Variants in FOXP1 observed in about 807,000 individuals in gnomAD.
FOXP1 encodes forkhead box protein P1.
In FOXP1, 15 loss-of-function variants were observed where a neutral mutation model predicts 98.2. That is an observed-to-expected ratio of 0.15 (90% confidence interval 0.10 to 0.24). The LOEUF (loss-of-function observed/expected upper bound fraction) is 0.24, where lower values mean the gene tolerates loss of function less well. Ranked by LOEUF, FOXP1 falls within the 10% of genes least tolerant of loss-of-function variation. The pLI, the probability that FOXP1 is intolerant of heterozygous loss-of-function variation, is 1.00. For synonymous variants in FOXP1, 371 were observed against 314.5 expected, an observed-to-expected ratio of 1.18 and a Z score of -1.90; for missense variants, 633 against 848.5, an observed-to-expected ratio of 0.75 and a Z score of 3.15.
At chr3:71,006,674 C>T (rs2042846783) in intron 12 of FOXP1, among the ~76,000 whole-genome samples, 1 of 151,852 alleles carries the variant, frequency 6.6e-6, no homozygotes, top group Non-Finnish European at 1.5e-5. Context: ...AATTACATGC[C>T]GGAAATGATC....
chr3:71,381,410 T>G (rs2080163837), intron 3 of FOXP1, among the ~76,000 whole-genome samples: 2 of 150,810 alleles, frequency 1.3e-5, no homozygotes, highest in Non-Finnish European at 1.5e-5. Context: ...AGTGCTAGGA[T>G]TACAGGCGTG....
intron 2 of FOXP1, among the ~76,000 whole-genome samples, chr3:71,537,765 T>C (rs754288247): frequency 1.5e-4 from 23 of 152,152 alleles, no homozygotes; most frequent in African/African-American, 2.7e-4. Flanking sequence ...AGCACAGAGG[T>C]TGGCAAACTA....
chr3:70,999,525 G>GA (rs2041845349), intron 13 of FOXP1, among the ~76,000 whole-genome samples: 1 of 152,082 alleles, frequency 6.6e-6, no homozygotes, highest in Non-Finnish European at 1.5e-5. Flanking sequence ...AAAATGTTGA[G>GA]ATTTTATGAT....
intron 6 of FOXP1, among the ~76,000 whole-genome samples, chr3:71,138,031 G>T (rs144640593): frequency 6.6e-6 from 1 of 152,212 alleles, no homozygotes; most frequent in African/African-American, 2.4e-5. Context: ...GAACTGTGGA[G>T]AGCCTCTCAG....
chr3:71,165,618 A>G (rs1249636064), intron 6 of FOXP1, among the ~76,000 whole-genome samples: 1 of 152,198 alleles, frequency 6.6e-6, no homozygotes, highest in African/African-American at 2.4e-5. Flanking sequence ...TCTAAACCCC[A>G]CCTTGCCTTG....
chr3:71,294,881 G>C (rs1272095652), intron 5 of FOXP1, among the ~76,000 whole-genome samples: 1 of 152,162 alleles, frequency 6.6e-6, no homozygotes, highest in African/African-American at 2.4e-5. Flanking sequence ...CATCTCCATA[G>C]TGCGGCAACA....
At chr3:71,166,351 C>T (rs73839410) in intron 6 of FOXP1, among the ~76,000 whole-genome samples, 2,261 of 152,304 alleles carry the variant, frequency 0.015, 50 homozygotes, top group African/African-American at 0.051. Context: ...ACCTGGAAAC[C>T]TGTTACGGCC....
chr3:71,318,232 G>A (rs1165314774), intron 4 of FOXP1, among the ~76,000 whole-genome samples: 2 of 150,666 alleles, frequency 1.3e-5, no homozygotes, highest in Non-Finnish European at 2.9e-5. Flanking sequence ...AGGGACAGAA[G>A]GAACAAGTCC....
At chr3:71,535,679 G>A (rs145458331) in intron 2 of FOXP1, among the ~76,000 whole-genome samples, 10 of 152,240 alleles carry the variant, frequency 6.6e-5, no homozygotes, top group Non-Finnish European at 1.0e-4. Flanking sequence ...AGCTGCAGTC[G>A]CACCACTACA....
chr3:71,237,428 C>A (rs1487504385), intron 5 of FOXP1, among the ~76,000 whole-genome samples: 1 of 152,018 alleles, frequency 6.6e-6, no homozygotes, highest in Non-Finnish European at 1.5e-5. Flanking sequence ...GGCTAGCTAG[C>A]CACGCTTCCA....
rs778866361 is a variant in FOXP1, at chr3:71,539,055, T to C, written c.-298+42494A>G. On this transcript the variant is annotated intron_variant, in intron 2 of 20. Transcript: ENST00000649528. ...TATCTCCATACTTATTCTCGTACCA[T>C]ACTTTCTTGATTATTGTAGCTTTGT... 6.2e-4 allele frequency among the ~76,000 whole-genome samples: 94 copies of C among 151,774 alleles called. 2 individuals carry two copies. Among genetic ancestry groups the C allele is most frequent in the Non-Finnish European group, 2.1e-4 (14 of 67,936 alleles).
chr3:71,314,530 A>ATATATATATATATATAT (rs1553839965), intron 4 of FOXP1, among the ~76,000 whole-genome samples: 12 of 143,386 alleles, frequency 8.4e-5, no homozygotes, highest in Non-Finnish European at 1.4e-4. Context: ...CCGTCTAAAA[A>ATATATATATATATATAT]ATATATATAT....
intron 5 of FOXP1, among the ~76,000 whole-genome samples, chr3:71,283,560 C>A (rs879307200): frequency 9.2e-5 from 14 of 152,100 alleles, no homozygotes; most frequent in Admixed American, 3.9e-4. Flanking sequence ...GGATGACAAC[C>A]CTTTTTTATT....
At chr3:71,499,532 G>C (rs1325454489) in intron 2 of FOXP1, among the ~76,000 whole-genome samples, 1 of 152,180 alleles carries the variant, frequency 6.6e-6, no homozygotes, top group East Asian at 1.9e-4. Context: ...AACTAAATCA[G>C]ATTGGCCAGA....
At chr3:71,331,324 G>T (rs187726499) in intron 4 of FOXP1, among the ~76,000 whole-genome samples, 5 of 152,140 alleles carry the variant, frequency 3.3e-5, no homozygotes, top group Non-Finnish European at 5.9e-5. Context: ...CTGCCTCCCC[G>T]CGGGGCAGGG....
intron 6 of FOXP1, among the ~76,000 whole-genome samples, chr3:71,158,269 G>A (rs2060950176): frequency 6.6e-6 from 1 of 152,050 alleles, no homozygotes; most frequent in Non-Finnish European, 1.5e-5. Context: ...CTGAAGGGGA[G>A]AAGTCAGGTA....
chr3:71,403,702 A>G (rs1218026961), intron 3 of FOXP1, among the ~76,000 whole-genome samples: 1 of 152,092 alleles, frequency 6.6e-6, no homozygotes, highest in Non-Finnish European at 1.5e-5. Context: ...TACAAAAAAA[A>G]TAGCCCAATG....
In FOXP1 at chr3:70,992,181, G is replaced by A. The variant is rs540219376; in HGVS notation, c.1063-4104C>T. 9.5e-4 allele frequency among the ~76,000 whole-genome samples: 145 copies of A among 152,238 alleles called. 2 individuals carry two copies. The highest frequency in any genetic ancestry group is 3.3e-3 in the African/African-American group (136 of 41,536). ...CTTGGAAGTAGGTATTTTTAAATAA[G>A]GACCCCAAGTGTCCAAGTTTAATCA... On this transcript the variant is annotated intron_variant, in intron 13 of 20. Transcript: ENST00000649528.
chr3:71,319,174 C>A (rs895796557), intron 4 of FOXP1, among the ~76,000 whole-genome samples: 1 of 152,126 alleles, frequency 6.6e-6, no homozygotes, highest in Non-Finnish European at 1.5e-5. Context: ...TTTCAAATAA[C>A]CATTGCACAC....
Sources: allele counts gnomAD v4.1 joint callset (sites outside exome capture counted in the v4.1 genomes callset), GRCh38; gene constraint gnomAD v4.1.1; transcripts MANE v1.5; gene names NCBI Gene and HGNC (gene_info 2026-07-23, HGNC 2026-07-21).